Variants in CELF4 observed in about 807,000 individuals in gnomAD.
The protein encoded by CELF4 is CUG-BP- and ETR-3-like factor 4.
Under a neutral mutation model 59.9 loss-of-function variants are expected in CELF4, and 18 were observed. That is an observed-to-expected ratio of 0.30 (90% CI 0.21 to 0.45). The LOEUF (loss-of-function observed/expected upper bound fraction) is 0.45. Among genes scored for constraint, CELF4 ranks in the 20% least tolerant of loss-of-function variants. CELF4 has a pLI of 1.00. For missense variants in CELF4, 456 were observed against 689.0 expected, an observed-to-expected ratio of 0.66 and a Z score of 3.79; for synonymous variants, 261 against 267.1, an observed-to-expected ratio of 0.98 and a Z score of 0.22.
intron 1 of CELF4, among the ~76,000 whole-genome samples, chr18:37,559,788 A>G (rs1452973820): frequency 6.6e-6 from 1 of 152,146 alleles, no homozygotes; most frequent in Non-Finnish European, 1.5e-5. Context: ...TGTAATAATG[A>G]GGAGGAAGAT....
At chr18:37,368,689 TC>T (rs1344464063) in intron 2 of CELF4, among the ~76,000 whole-genome samples, 1 of 152,156 alleles carries the variant, frequency 6.6e-6, no homozygotes, top group African/African-American at 2.4e-5. Flanking sequence ...TGGGGTCACC[TC>T]AGCGTGCAAG....
intron 2 of CELF4, among the ~76,000 whole-genome samples, chr18:37,335,636 T>C (rs1200705707): frequency 6.6e-6 from 1 of 151,870 alleles, no homozygotes; most frequent in African/African-American, 2.4e-5. Context: ...CTCCTCTGAA[T>C]TCCCTGTCCT....
At chr18:37,560,257 T>A (rs2099986143) in intron 1 of CELF4, among the ~76,000 whole-genome samples, 1 of 152,242 alleles carries the variant, frequency 6.6e-6, no homozygotes, top group African/African-American at 2.4e-5. Flanking sequence ...TACGTGCATA[T>A]GTGCATGTTA....
At chr18:37,249,891 C>A (rs1007853173) in intron 12 of CELF4, among the ~76,000 whole-genome samples, 2 of 152,188 alleles carry the variant, frequency 1.3e-5, no homozygotes, top group Non-Finnish European at 2.9e-5. Context: ...ATAGGTCAGA[C>A]CCAAAGCACC....
chr18:37,483,926 T>C (rs973726720), intron 2 of CELF4, among the ~76,000 whole-genome samples: 2 of 152,220 alleles, frequency 1.3e-5, no homozygotes, highest in Non-Finnish European at 2.9e-5. Flanking sequence ...CTATTATATG[T>C]AAAATAAACA....
intron 2 of CELF4, among the ~76,000 whole-genome samples, chr18:37,350,367 T>C (rs755574804): frequency 1.3e-5 from 2 of 152,196 alleles, no homozygotes; most frequent in African/African-American, 2.4e-5. Context: ...TTCTGAGTAA[T>C]AGACCACGCG....
At chr18:37,336,332 T>C (rs2097769995) in intron 2 of CELF4, among the ~76,000 whole-genome samples, 1 of 152,180 alleles carries the variant, frequency 6.6e-6, no homozygotes, top group Non-Finnish European at 1.5e-5. Flanking sequence ...TATAGGCATG[T>C]ACCTCCACGC....
chr18:37,274,012 A>G, intron 6 of CELF4: 1 of 1,229,592 alleles, frequency 8.1e-7, no homozygotes, highest in Non-Finnish European at 1.0e-6. Flanking sequence ...TTCAACGTTG[A>G]TCTGGCTGAG....
At chr18:37,353,113 T>A (rs549831565) in intron 2 of CELF4, among the ~76,000 whole-genome samples, 1 of 150,414 alleles carries the variant, frequency 6.6e-6, no homozygotes, top group Non-Finnish European at 1.5e-5. Flanking sequence ...CCCAGCTACT[T>A]GGGAGGCTGA....
intron 2 of CELF4, among the ~76,000 whole-genome samples, chr18:37,377,833 T>G (rs1261536649): frequency 6.6e-6 from 1 of 151,308 alleles, no homozygotes; most frequent in Non-Finnish European, 1.5e-5. Context: ...TGGAGGAAAG[T>G]GGGTTTCTGG....
chr18:37,325,423 T>C (rs2097273682), intron 2 of CELF4, among the ~76,000 whole-genome samples: 1 of 152,104 alleles, frequency 6.6e-6, no homozygotes, highest in South Asian at 2.1e-4. Flanking sequence ...TTTTCCATGG[T>C]AAATTAAACT....
At chr18:37,400,702 CA>C (rs1183486790) in intron 2 of CELF4, among the ~76,000 whole-genome samples, 1 of 152,230 alleles carries the variant, frequency 6.6e-6, no homozygotes, top group Non-Finnish European at 1.5e-5. Context: ...TTCACAAAGG[CA>C]AGCTGGATTC....
chr18:37,410,735 GC>G (rs2099440475), intron 2 of CELF4, among the ~76,000 whole-genome samples: 1 of 152,228 alleles, frequency 6.6e-6, no homozygotes, highest in Non-Finnish European at 1.5e-5. Context: ...GCGTGAGTCA[GC>G]CTGCACACCC....
chr18:37,550,245 G>T (rs903986768), intron 1 of CELF4, among the ~76,000 whole-genome samples: 1 of 152,176 alleles, frequency 6.6e-6, no homozygotes, highest in African/African-American at 2.4e-5. Flanking sequence ...GGCTTGCAGT[G>T]GCCCCTGTGT....
intron 1 of CELF4, among the ~76,000 whole-genome samples, chr18:37,519,524 A>G (rs1011766212): frequency 2.0e-5 from 3 of 152,212 alleles, no homozygotes; most frequent in South Asian, 4.1e-4. Flanking sequence ...AAGCACTAAC[A>G]CAGAAGTACC....
At chr18:37,417,215 A>G (rs2099536317) in intron 2 of CELF4, among the ~76,000 whole-genome samples, 1 of 152,094 alleles carries the variant, frequency 6.6e-6, no homozygotes, top group Non-Finnish European at 1.5e-5. Context: ...AGTGCAGGAG[A>G]TAGGGCTGCT....
chr18:37,292,047 A>G (rs2095369307), intron 3 of CELF4, among the ~76,000 whole-genome samples: 1 of 144,514 alleles, frequency 6.9e-6, no homozygotes, highest in Non-Finnish European at 1.5e-5. Context: ...AAAAAAAAAA[A>G]GAGGCCTGAG....
chr18:37,275,636 C>T, intron 3 of CELF4: 1 of 223,828 alleles, frequency 4.5e-6, no homozygotes, highest in South Asian at 6.5e-5. Context: ...CACATGCTAT[C>T]CTCTACAGGC....
intron 2 of CELF4, among the ~76,000 whole-genome samples, chr18:37,467,299 T>C (rs1326869928): frequency 2.0e-5 from 3 of 152,114 alleles, no homozygotes; most frequent in Non-Finnish European, 4.4e-5. Flanking sequence ...CTTTCTCTGC[T>C]CTCACCTGGG....
Sources: gnomAD v4.1 joint callset for allele counts (sites outside exome capture counted in the v4.1 genomes callset) on GRCh38, gnomAD v4.1.1 for gene constraint, MANE v1.5 for transcripts, NCBI Gene and HGNC (gene_info 2026-07-23, HGNC 2026-07-21) for gene names.